AMZ2: variants seen among roughly 807,000 people sequenced by gnomAD.
AMZ2 encodes the protein archaelysin family metallopeptidase 2.
Under a neutral mutation model 36.7 loss-of-function variants are expected in AMZ2, and 26 were observed. That is an observed-to-expected ratio of 0.71 (90% CI 0.52 to 0.98). AMZ2 has a LOEUF of 0.98. Among genes scored for constraint, AMZ2 ranks in the 50% least tolerant of loss-of-function variants. AMZ2 has a pLI of 0.00. For synonymous variants in AMZ2, 144 were observed against 149.1 expected (o/e 0.97, Z 0.25); for missense variants, 394 against 430.5 (o/e 0.92, Z 0.75).
At chr17:68,234,384 G>A (rs2073738111) in intron 1 of AMZ2, among the ~76,000 whole-genome samples, 1 of 151,800 alleles carries the variant, frequency 6.6e-6, no homozygotes, top group Non-Finnish European at 1.5e-5. Context: ...GGAGGTCAAG[G>A]CTGCAGTGAG....
At chr17:68,219,284 C>T (rs1334559536) in intron 1 of AMZ2, among the ~76,000 whole-genome samples, 5 of 152,082 alleles carry the variant, frequency 3.3e-5, no homozygotes, top group South Asian at 4.1e-4. Context: ...TTTTTCTAAC[C>T]GGCCTTCCCT....
chr17:68,231,970 C>T (rs1394833042), intron 1 of AMZ2, among the ~76,000 whole-genome samples: 1 of 150,454 alleles, frequency 6.6e-6, no homozygotes, highest in African/African-American at 2.5e-5. Flanking sequence ...ACTGAGAATC[C>T]TGTATTTTTT....
At chr17:68,241,730 T>G (rs1599372162) in intron 1 of AMZ2, among the ~76,000 whole-genome samples, 1 of 150,742 alleles carries the variant, frequency 6.6e-6, no homozygotes, top group Non-Finnish European at 1.5e-5. Context: ...ATTATTACTA[T>G]TATTATTATT....
intron 4 of AMZ2, among the ~76,000 whole-genome samples, chr17:68,253,014 T>C (rs570387173): frequency 1.3e-5 from 2 of 152,300 alleles, no homozygotes; most frequent in South Asian, 4.1e-4. Flanking sequence ...ACAGTGACAA[T>C]ATCTTAACAC....
At chr17:68,223,510 A>G (rs1208358688) in intron 1 of AMZ2, among the ~76,000 whole-genome samples, 3 of 151,968 alleles carry the variant, frequency 2.0e-5, no homozygotes, top group African/African-American at 7.3e-5. Context: ...TTTTCACTCA[A>G]GCCTTCAATT....
In AMZ2 at chr17:68,225,025, A is replaced by C. The variant is rs530186397; in HGVS notation, c.-67+18787A>C. Reference sequence around the variant, plus strand: ...AAACCCCGTTTCTACTAAAAAAAAAAACACACACACACAAAAATTAGCTGG... The same window carrying C: ...AAACCCCGTTTCTACTAAAAAAAAACACACACACACACAAAAATTAGCTGG... On this transcript the variant is annotated intron_variant, in intron 1 of 7. Transcript: ENST00000674770. 5.6e-3 allele frequency among the ~76,000 whole-genome samples: 815 copies of C among 146,774 alleles called. 4 individuals are homozygous for C. The highest frequency in any genetic ancestry group is 9.0e-3 in the Non-Finnish European group (599 of 66,408).
At chr17:68,219,063 A>ACC (rs1348444333) in intron 1 of AMZ2, among the ~76,000 whole-genome samples, 1 of 151,120 alleles carries the variant, frequency 6.6e-6, no homozygotes, top group Non-Finnish European at 1.5e-5. Context: ...GCTCACTGCA[A>ACC]CCCCCAAAAA....
chr17:68,208,334 C>T (rs1402432340), intron 1 of AMZ2, among the ~76,000 whole-genome samples: 1 of 152,202 alleles, frequency 6.6e-6, no homozygotes. Flanking sequence ...TGTAAATACA[C>T]CAATCGGCAC....
chr17:68,221,209 T>TCCCCCCCCCCCCC lies in AMZ2; in HGVS notation c.-67+14980_-67+14981insCCCCCCCCCCCCC, dbSNP rs55937321. Among the ~76,000 whole-genome samples, 13 of 66,776 alleles carry TCCCCCCCCCCCCC rather than the reference T, an allele frequency of 1.9e-4. 1 individual carries two copies. Among genetic ancestry groups the TCCCCCCCCCCCCC allele is most frequent in the Non-Finnish European group, 2.9e-4 (11 of 37,360 alleles). 43.8% of individuals were successfully genotyped at this position (66,776 alleles called of 152,430 possible). A position where few individuals can be genotyped will look rare whatever the true frequency, so the allele number is the denominator to read the frequency against. ...TGATCTTCCTGCCTCAGCCCTCAGC[T>TCCCCCCCCCCCCC]CCCCCCCCCGCCCCCCCGGTAGCTA... On this transcript the variant is annotated intron_variant, in intron 1 of 7. Transcript: ENST00000674770.
chr17:68,207,433 GATTA>G (rs1408859223), intron 1 of AMZ2: 4 of 150,474 alleles, frequency 2.7e-5, no homozygotes, highest in Non-Finnish European at 4.4e-5. Context: ...TGCAAATCTA[GATTA>G]ATTAAATTAG....
chr17:68,225,914 C>G (rs1211585985), intron 1 of AMZ2, among the ~76,000 whole-genome samples: 2 of 152,106 alleles, frequency 1.3e-5, no homozygotes, highest in African/African-American at 4.8e-5. Context: ...TGAGCCACTG[C>G]ACCCAGCCTT....
At chr17:68,239,961 G>T (rs1474248045) in intron 1 of AMZ2, among the ~76,000 whole-genome samples, 1 of 152,202 alleles carries the variant, frequency 6.6e-6, no homozygotes, top group Non-Finnish European at 1.5e-5. Flanking sequence ...AATACGAAAA[G>T]ACATTTTATC....
At chr17:68,214,559 G>T (rs1463823182) in intron 1 of AMZ2, among the ~76,000 whole-genome samples, 1 of 152,140 alleles carries the variant, frequency 6.6e-6, no homozygotes, top group East Asian at 1.9e-4. Context: ...CAGCTTGAAG[G>T]GGAGAGAGAT....
chr17:68,244,381 G>A (rs1272287781), upstream of AMZ2, among the ~76,000 whole-genome samples: 1 of 152,128 alleles, frequency 6.6e-6, no homozygotes, highest in African/African-American at 2.4e-5. Flanking sequence ...CCGCCTCCTG[G>A]GTTCAAGCAA....
At chr17:68,219,299 G>C (rs1363182464) in intron 1 of AMZ2, among the ~76,000 whole-genome samples, 1 of 152,048 alleles carries the variant, frequency 6.6e-6, no homozygotes, top group Non-Finnish European at 1.5e-5. Flanking sequence ...TTCCCTTCCA[G>C]CTTCCTCCAC....
intron 1 of AMZ2, among the ~76,000 whole-genome samples, chr17:68,234,804 T>C (rs2073748746): frequency 6.7e-6 from 1 of 148,548 alleles, no homozygotes; most frequent in Non-Finnish European, 1.5e-5. Context: ...AAAAAAAAGA[T>C]AGCTAGGAGA....
At chr17:68,207,338 G>A (rs868924979) in intron 1 of AMZ2, 11 of 128,816 alleles carry the variant, frequency 8.5e-5, no homozygotes, top group African/African-American at 3.5e-4. Context: ...AGGCTGCTTT[G>A]TATTAAATAC....
At chr17:68,207,479 GTT>G (rs1221569094) in intron 1 of AMZ2, 1 of 151,760 alleles carries the variant, frequency 6.6e-6, no homozygotes, top group Non-Finnish European at 1.5e-5. Flanking sequence ...AAAAAATAAA[GTT>G]TATGAGAAAA....
upstream of AMZ2, among the ~76,000 whole-genome samples, chr17:68,243,142 AT>A (rs34318289): frequency 4.2e-4 from 62 of 146,896 alleles, no homozygotes; most frequent in Non-Finnish European, 6.0e-4. Context: ...TTGAGAAATG[AT>A]TTTTTTTTTT....
Sources: gnomAD v4.1 joint callset for allele counts (sites outside exome capture counted in the v4.1 genomes callset) on GRCh38, gnomAD v4.1.1 for gene constraint, MANE v1.5 for transcripts, NCBI Gene and HGNC (gene_info 2026-07-23, HGNC 2026-07-21) for gene names.